The following GFM2 variants were observed in gnomAD, a reference collection of about 807,000 sequenced individuals.
GFM2 encodes the protein ribosome-releasing factor 2, mitochondrial.
Under a neutral mutation model 95.4 loss-of-function variants are expected in GFM2, and 72 were observed. The ratio of observed to expected loss-of-function variants is 0.76; its 90% confidence interval spans 0.62 to 0.92. The LOEUF (loss-of-function observed/expected upper bound fraction) is 0.92. GFM2 is among the 40% of genes least tolerant of loss of function. GFM2 has a pLI of 0.00. For missense variants in GFM2, 825 were observed against 924.1 expected, an observed-to-expected ratio of 0.89 and a Z score of 1.39; for synonymous variants, 276 against 317.5, an observed-to-expected ratio of 0.87 and a Z score of 1.39.
At chr5:74,728,474 G>A (rs1319754769) in intron 17 of GFM2, among the ~76,000 whole-genome samples, 1 of 152,134 alleles carries the variant, frequency 6.6e-6, no homozygotes, top group Non-Finnish European at 1.5e-5. Flanking sequence ...TGCTGTCTGA[G>A]GGATGGCAAA....
chr5:74,759,262 A>G (rs1744155967), intron 4 of GFM2, 107 bp downstream of exon 4: 4 of 712,640 alleles, frequency 5.6e-6, no homozygotes, highest in Non-Finnish European at 9.8e-6. Context: ...AAAATTGGCT[A>G]GGGCAGAAAG....
chr5:74,759,450 G>T (rs1226759666), intron 3 of GFM2, 24 bp from the exon 4 acceptor site: 2 of 1,254,262 alleles, frequency 1.6e-6, no homozygotes, highest in African/African-American at 1.5e-5. Flanking sequence ...AGTTAAAATT[G>T]AACTGTTACA....
chr5:74,732,795 T>C (rs1048447226), intron 16 of GFM2, among the ~76,000 whole-genome samples: 29 of 152,190 alleles, frequency 1.9e-4, no homozygotes, highest in Non-Finnish European at 3.7e-4. Flanking sequence ...AAATAGTTTA[T>C]AAATGTGAAG....
At chr5:74,748,967 G>T (rs1005385052) in intron 7 of GFM2, among the ~76,000 whole-genome samples, 27 of 138,976 alleles carry the variant, frequency 1.9e-4, no homozygotes, top group Admixed American at 1.6e-3. Flanking sequence ...ATAAAATAAA[G>T]AAACTTCCAA....
In GFM2 at chr5:74,730,351, A is replaced by G; in HGVS notation, c.1635T>C (p.Asp545=). The change falls in exon 17 of 21, where the codon GAT becomes GAC. Residue 545 remains aspartate, a synonymous_variant. Transcript: ENST00000296805. ...CCAGTCCATATTCCCTCTTGATTCG[A>G]TCATGAATAATCTCTATATGTAACT... ...MGELHIEIIH[D]RIKREYGLET... 1 of 1,612,462 alleles carries G rather than the reference A, an allele frequency of 6.2e-7. No homozygotes were observed. Among genetic ancestry groups the G allele is most frequent in the Non-Finnish European group, 8.5e-7 (1 of 1,178,682 alleles).
In GFM2 at chr5:74,745,836, T is replaced by G; in HGVS notation, c.691A>C (p.Thr231Pro). 2.5e-6 allele frequency: 4 copies of G among 1,611,872 alleles called. No homozygotes were observed. Among genetic ancestry groups the G allele is most frequent in the Non-Finnish European group, 2.5e-6 (3 of 1,179,670 alleles). Residue 231 changes from threonine (T) to proline (P), a missense_variant, in exon 10 of 21, where the codon ACT becomes CCT. Transcript: ENST00000296805. ...ACTACATCCACCACTCCTTTGAAAG[T>G]TTTGGCTTCACCAATTGGTAACTGT... ...LLQLPIGEAK[T>P]FKGVVDVVMK...
intron 19 of GFM2, 109 bp downstream of exon 19, chr5:74,725,531 G>A (rs908386216): frequency 9.5e-6 from 6 of 634,912 alleles, no homozygotes; most frequent in African/African-American, 3.6e-5. Flanking sequence ...CAAGGCTGAG[G>A]AGGCAAAGAC....
Position 74,738,327 on chromosome 5 carries a change from C to T in GFM2, c.1311G>A (p.Gly437=). 1 of 1,611,636 alleles carries T rather than the reference C, an allele frequency of 6.2e-7. No individual in the cohort carries two copies. The highest frequency in any genetic ancestry group is 8.5e-7 in the Non-Finnish European group (1 of 1,178,654). ...TCATTTGGTCACTTACATGTTTAAG[C>T]CCAACAGTCAAAGCAATGTTACCAG... is the stretch of plus-strand genomic sequence containing the variant. ...LTAGNIALTV[G]LKHTATGDTI... The change falls in exon 14 of 21, where the codon GGG becomes GGA. Residue 437 remains glycine (G), a synonymous_variant. Transcript: ENST00000296805.
chr5:74,743,180 AC>A (rs1473665963), intron 10 of GFM2, among the ~76,000 whole-genome samples: 4 of 152,102 alleles, frequency 2.6e-5, no homozygotes, highest in African/African-American at 9.7e-5. Flanking sequence ...GGTTGCTTCT[AC>A]CTTTTGGCTA....
chr5:74,764,423 A>G (rs1744436911), intron 1 of GFM2, among the ~76,000 whole-genome samples: 2 of 152,244 alleles, frequency 1.3e-5, no homozygotes, highest in South Asian at 4.1e-4. Context: ...CCTGCAGGCC[A>G]CATGCGGCCC....
intron 16 of GFM2, 168 bp from the exon 17 acceptor site, chr5:74,730,566 C>G: frequency 2.3e-6 from 1 of 440,176 alleles, no homozygotes; most frequent in Non-Finnish European, 3.9e-6. Flanking sequence ...TTTGACTTTT[C>G]TGACTGGAAT....
intron 8 of GFM2, 134 bp from the exon 9 acceptor site, chr5:74,746,299 C>T (rs756784716): frequency 1.5e-5 from 7 of 462,706 alleles, no homozygotes; most frequent in South Asian, 1.2e-4. Context: ...TTCTCCTTAA[C>T]GCTCACTATT....
chr5:74,753,273 G>T (rs550345942), intron 5 of GFM2, among the ~76,000 whole-genome samples: 49 of 152,236 alleles, frequency 3.2e-4, no homozygotes, highest in African/African-American at 1.2e-3. Flanking sequence ...ACACTGGAAA[G>T]TCTCAGCAAT....
chr5:74,736,573 T>C, intron 15 of GFM2: 1 of 1,389,272 alleles, frequency 7.2e-7, no homozygotes, highest in South Asian at 1.6e-5. Context: ...TAAGGAAGAA[T>C]ATAATATGAG....
intron 5 of GFM2, among the ~76,000 whole-genome samples, chr5:74,754,507 G>T (rs183887871): frequency 2.0e-5 from 3 of 152,014 alleles, no homozygotes; most frequent in Non-Finnish European, 4.4e-5. Flanking sequence ...TTAAGGTAAA[G>T]GGGGGAAAAA....
Position 74,746,130 on chromosome 5 carries a change from A to T in GFM2, c.644T>A (p.Leu215Ter). Reference sequence around the variant, plus strand: ...CTGTAAAAGCAAAGGCTTTGCCTTTAACTTCTCTCTGATGCTTTCAACTGC... The same window carrying T: ...CTGTAAAAGCAAAGGCTTTGCCTTTTACTTCTCTCTGATGCTTTCAACTGC... ...KYAVESIREK[L>*]KAKPLLLQLP... The change falls in exon 9 of 21, where the codon TTA becomes TAA. Residue 215 changes from leucine to a stop codon, truncating the protein, a stop_gained. Coordinates refer to ENST00000296805, the MANE Select transcript of GFM2 (RefSeq NM_032380.5). LOFTEE classifies it high-confidence loss of function. The T allele has an allele frequency of 6.5e-7, 1 of 1,549,594 alleles. No homozygotes were observed. Among genetic ancestry groups the T allele is most frequent in the Admixed American group, 2.2e-5 (1 of 44,446 alleles).
intron 7 of GFM2, 51 bp downstream of exon 7, chr5:74,750,528 T>C (rs763999996): frequency 7.5e-7 from 1 of 1,336,188 alleles, no homozygotes; most frequent in East Asian, 2.3e-5. Context: ...TATTCTACTT[T>C]TTAAAAAATC....
At position 74,738,629 on chromosome 5, in the gene GFM2, C is replaced by T; in HGVS notation, c.1093G>A (p.Asp365Asn). ...RNYEFLQWYK[D>N]DLCALAFKVL... is the part of the protein sequence containing the mutation. ...TTAAATGCCAATGCACATAAGTCAT[C>T]CTTATACCACTGCCTATAAAATAAA... is the stretch of plus-strand genomic sequence containing the variant. Residue 365 changes from aspartate to asparagine, a missense_variant, in exon 13 of 21, where the codon GAT becomes AAT. By Grantham distance (23) the Asp-to-Asn change is conservative. Coordinates refer to ENST00000296805, the MANE Select transcript of GFM2 (RefSeq NM_032380.5). The T allele has an allele frequency of 6.2e-7, 1 of 1,605,856 alleles. No individual in the cohort carries two copies. The highest frequency in any genetic ancestry group is 1.3e-5 in the African/African-American group (1 of 74,356).
At chr5:74,753,734 C>A (rs2112333796) in intron 5 of GFM2, among the ~76,000 whole-genome samples, 1 of 152,234 alleles carries the variant, frequency 6.6e-6, no homozygotes, top group African/African-American at 2.4e-5. Context: ...ATGAGCAAAC[C>A]TAAGAATAAC....
Sources: allele counts gnomAD v4.1 joint callset (sites outside exome capture counted in the v4.1 genomes callset), GRCh38; gene constraint gnomAD v4.1.1; transcripts MANE v1.5; gene names NCBI Gene and HGNC (gene_info 2026-07-23, HGNC 2026-07-21).